COMMD1: variants seen among roughly 807,000 people sequenced by gnomAD.
COMMD1 encodes copper metabolism domain containing 1, also known as COMM domain-containing protein 1.
A neutral mutation model predicts 17.2 loss-of-function variants in COMMD1; 10 were observed. The observed-to-expected ratio is 0.58, with a 90% CI of 0.36 to 0.99. The LOEUF (loss-of-function observed/expected upper bound fraction) is 0.99. COMMD1 is among the 50% of genes least tolerant of loss of function. COMMD1 has a pLI of 0.01. For missense variants in COMMD1, 270 were observed against 231.8 expected (o/e 1.17, Z -1.07); for synonymous variants, 97 against 91.6 (o/e 1.06, Z -0.34).
intron 1 of COMMD1, among the ~76,000 whole-genome samples, chr2:61,935,292 G>A (rs1670575044): frequency 6.6e-6 from 1 of 152,206 alleles, no homozygotes; most frequent in African/African-American, 2.4e-5. Flanking sequence ...CAGAACTACA[G>A]TCTGATAACC....
chr2:62,107,510 C>G (rs1672349831), intron 2 of COMMD1, among the ~76,000 whole-genome samples: 1 of 152,212 alleles, frequency 6.6e-6, no homozygotes, highest in Admixed American at 6.5e-5. Context: ...CCTTCTCCAT[C>G]CAGCTTCTTG....
intron 2 of COMMD1, among the ~76,000 whole-genome samples, chr2:62,051,854 T>C (rs934849596): frequency 3.3e-5 from 5 of 152,226 alleles, no homozygotes; most frequent in Non-Finnish European, 5.9e-5. Context: ...GATTAGGCTT[T>C]ATAGCAACTA....
intron 2 of COMMD1, among the ~76,000 whole-genome samples, chr2:62,024,213 T>G (rs1669692957): frequency 6.6e-6 from 1 of 152,062 alleles, no homozygotes; most frequent in Admixed American, 6.6e-5. Context: ...GATTTTTTTG[T>G]TTTTTGTTTT....
chr2:62,041,557 C>T (rs1463453829), intron 2 of COMMD1, among the ~76,000 whole-genome samples: 2 of 150,322 alleles, frequency 1.3e-5, no homozygotes, highest in African/African-American at 2.4e-5. Context: ...TTGGCCAATT[C>T]TTTCTGTGTT....
chr2:61,998,651 C>G (rs1321929665), intron 1 of COMMD1, among the ~76,000 whole-genome samples: 2 of 152,216 alleles, frequency 1.3e-5, no homozygotes, highest in Non-Finnish European at 2.9e-5. Context: ...ACTTGGCTAG[C>G]TGTCTGGCAC....
intron 2 of COMMD1, among the ~76,000 whole-genome samples, chr2:62,089,801 C>T (rs1043932846): frequency 6.6e-6 from 1 of 152,060 alleles, no homozygotes; most frequent in Non-Finnish European, 1.5e-5. Flanking sequence ...AAAATGAGAG[C>T]TTTGTCCTCG....
rs776532911 is a variant in COMMD1, at chr2:61,997,057, CTTTTTTTTTT to C, written c.181-3638_181-3629del. On this transcript the variant is annotated intron_variant, in intron 1 of 2. Transcript: ENST00000311832. Reference sequence around the variant, plus strand: ...ATAGCCTTACAAAATGTATTTCTTTCTTTTTTTTTTTTTTTCTTTTTAGACAGGGTCTTGC... The same window carrying C: ...ATAGCCTTACAAAATGTATTTCTTTCTTTTTCTTTTTAGACAGGGTCTTGC... Among the ~76,000 whole-genome samples the C allele has an allele frequency of 4.9e-5, 7 of 141,748 alleles. No individual in the cohort carries two copies. The East Asian group carries it at 1.4e-3, about 29-fold the overall frequency. 93.0% of individuals were successfully genotyped at this position (141,748 alleles called of 152,430 possible).
chr2:62,083,962 T>C (rs1033810422), intron 2 of COMMD1, among the ~76,000 whole-genome samples: 11 of 152,248 alleles, frequency 7.2e-5, no homozygotes, highest in African/African-American at 2.7e-4. Context: ...CTCAGTCTGA[T>C]TGGCTACTGA....
chr2:62,055,972 T>C (rs1178104672), intron 2 of COMMD1, among the ~76,000 whole-genome samples: 1 of 152,254 alleles, frequency 6.6e-6, no homozygotes, highest in East Asian at 1.9e-4. Context: ...CATGAGGATG[T>C]GTTATGTGCA....
intron 1 of COMMD1, among the ~76,000 whole-genome samples, chr2:61,988,989 T>C (rs1672175783): frequency 6.6e-6 from 1 of 152,168 alleles, no homozygotes; most frequent in Non-Finnish European, 1.5e-5. Context: ...ACAGATTCTC[T>C]CTACTTGGCT....
intron 1 of COMMD1, among the ~76,000 whole-genome samples, chr2:61,954,569 A>G (rs1671144069): frequency 6.6e-6 from 1 of 152,170 alleles, no homozygotes; most frequent in African/African-American, 2.4e-5. Context: ...TGAAGAGAGG[A>G]GTCTTCCCTG....
At chr2:62,135,345 A>C (rs564215985) in intron 2 of COMMD1, among the ~76,000 whole-genome samples, 1 of 151,826 alleles carries the variant, frequency 6.6e-6, no homozygotes, top group South Asian at 2.1e-4. Context: ...AAACACCATC[A>C]TAAAAGCACT....
At chr2:61,930,315 T>C (rs1483838632) in intron 1 of COMMD1, among the ~76,000 whole-genome samples, 1 of 152,178 alleles carries the variant, frequency 6.6e-6, no homozygotes, top group Non-Finnish European at 1.5e-5. Flanking sequence ...ACCAGCACTT[T>C]GGGAGGCCGA....
At chr2:62,032,110 G>A (rs1669923844) in intron 2 of COMMD1, among the ~76,000 whole-genome samples, 1 of 152,132 alleles carries the variant, frequency 6.6e-6, no homozygotes, top group African/African-American at 2.4e-5. Context: ...TATATATCTT[G>A]TACTGAACAT....
chr2:61,929,441 A>G (rs75868300), intron 1 of COMMD1, among the ~76,000 whole-genome samples: 1,850 of 152,300 alleles, frequency 0.012, 42 homozygotes, highest in African/African-American at 0.043. Flanking sequence ...CTGAAGACAC[A>G]TAGACACCAA....
chr2:61,981,763 C>T (rs1671960234), intron 1 of COMMD1, among the ~76,000 whole-genome samples: 1 of 152,102 alleles, frequency 6.6e-6, no homozygotes, highest in Admixed American at 6.6e-5. Flanking sequence ...TTCACTATTA[C>T]GAGAACAGCA....
intron 2 of COMMD1, among the ~76,000 whole-genome samples, chr2:62,007,352 G>T (rs1669150771): frequency 6.6e-6 from 1 of 152,020 alleles, no homozygotes. Context: ...ATCAAAATAG[G>T]TTGGGTTCTG....
upstream of COMMD1, chr2:61,888,425 T>C (rs145745878): frequency 2.9e-5 from 47 of 1,612,630 alleles, no homozygotes; most frequent in African/African-American, 5.7e-4. Flanking sequence ...GGCTGGCTTG[T>C]CGCGGTCCTG....
intron 1 of COMMD1, among the ~76,000 whole-genome samples, chr2:61,979,891 C>T (rs1465796310): frequency 9.3e-5 from 11 of 118,746 alleles, no homozygotes; most frequent in African/African-American, 2.6e-4. Flanking sequence ...AATGCTATCC[C>T]TCCCCCCTCC....
Sources: gnomAD v4.1 joint callset for allele counts (sites outside exome capture counted in the v4.1 genomes callset) on GRCh38, gnomAD v4.1.1 for gene constraint, MANE v1.5 for transcripts, NCBI Gene and HGNC (gene_info 2026-07-23, HGNC 2026-07-21) for gene names.